The following RBM46 variants were observed in gnomAD, a reference collection of about 807,000 sequenced individuals.
RBM46 encodes the protein RNA binding motif protein 46.
In RBM46, 12 loss-of-function variants were observed where a neutral mutation model predicts 43.3. That is an observed-to-expected ratio of 0.28 (90% CI 0.18 to 0.45). RBM46 has a LOEUF of 0.45. Among genes scored for constraint, RBM46 ranks in the 20% least tolerant of loss-of-function variants. RBM46 has a pLI of 1.00. For missense variants in RBM46, 412 were observed against 639.1 expected (o/e 0.64, Z 3.83); for synonymous variants, 205 against 207.6 (o/e 0.99, Z 0.11).
At chr4:154,788,488 G>T (rs997683373) in intron 1 of RBM46, among the ~76,000 whole-genome samples, 1 of 152,196 alleles carries the variant, frequency 6.6e-6, no homozygotes, top group Non-Finnish European at 1.5e-5. Flanking sequence ...TCAAAGATCA[G>T]ATGGTTGTAG....
chr4:154,825,287 A>G (rs972168325), intron 4 of RBM46, among the ~76,000 whole-genome samples: 10 of 152,114 alleles, frequency 6.6e-5, no homozygotes, highest in African/African-American at 1.9e-4. Flanking sequence ...TTTATTTCCT[A>G]TGATACGAAA....
At chr4:154,813,144 A>G (rs529326550) in intron 4 of RBM46, among the ~76,000 whole-genome samples, 1 of 152,304 alleles carries the variant, frequency 6.6e-6, no homozygotes, top group South Asian at 2.1e-4. Context: ...GATAAAGATT[A>G]CAAGGAAAGA....
At chr4:154,786,274 A>G (rs1322175929) in intron 1 of RBM46, among the ~76,000 whole-genome samples, 1 of 152,012 alleles carries the variant, frequency 6.6e-6, no homozygotes, top group African/African-American at 2.4e-5. Context: ...TTTTTAGTAG[A>G]GATGGTGTTT....
intron 4 of RBM46, chr4:154,827,057 G>C: frequency 8.5e-7 from 1 of 1,176,528 alleles, no homozygotes; most frequent in Non-Finnish European, 1.0e-6. Flanking sequence ...GGAAGGTACA[G>C]GATTTAAAAA....
intron 4 of RBM46, among the ~76,000 whole-genome samples, chr4:154,818,940 TAGTCTTTTATTTTCTTGA>T (rs1735595058): frequency 6.6e-6 from 1 of 152,210 alleles, no homozygotes; most frequent in South Asian, 2.1e-4. Flanking sequence ...CCAAAAATTT[TAGTCTTTTATTTTCTTGA>T]GTGTATTAGG....
intron 1 of RBM46, among the ~76,000 whole-genome samples, chr4:154,784,148 A>G (rs898744671): frequency 6.6e-6 from 1 of 152,216 alleles, no homozygotes; most frequent in African/African-American, 2.4e-5. Context: ...GCACGCTTTG[A>G]TATTCTTAAT....
chr4:154,808,361 T>C (rs1481168337), intron 4 of RBM46, among the ~76,000 whole-genome samples: 1 of 152,028 alleles, frequency 6.6e-6, no homozygotes, highest in Admixed American at 6.5e-5. Context: ...AAGGATGTTT[T>C]TATTAGAGTT....
intron 4 of RBM46, among the ~76,000 whole-genome samples, chr4:154,815,825 G>C (rs750811840): frequency 6.6e-6 from 1 of 151,878 alleles, no homozygotes; most frequent in Non-Finnish European, 1.5e-5. Context: ...TTTGCATCCT[G>C]CTTAGAAAAC....
intron 4 of RBM46, among the ~76,000 whole-genome samples, chr4:154,816,326 G>A (rs1020640782): frequency 1.3e-5 from 2 of 151,852 alleles, no homozygotes; most frequent in Admixed American, 6.6e-5. Context: ...GATCAGTTTG[G>A]GAACAATAAC....
At chr4:154,784,536 G>GT (rs1445293332) in intron 1 of RBM46, among the ~76,000 whole-genome samples, 2 of 152,092 alleles carry the variant, frequency 1.3e-5, no homozygotes, top group Admixed American at 6.6e-5. Flanking sequence ...CCTTAGAGAG[G>GT]TTTTTTCCTT....
At chr4:154,826,803 A>C in intron 4 of RBM46, 1 of 1,513,440 alleles carries the variant, frequency 6.6e-7, no homozygotes. Context: ...ACTCTCCTGC[A>C]GTTGATCTCA....
Position 154,798,139 on chromosome 4 carries a change from A to G in RBM46, c.480A>G (p.Glu160=). Residue 160 remains glutamate, a synonymous_variant, in exon 3 of 5, where the codon GAA becomes GAG. Coordinates refer to ENST00000281722, the MANE Select transcript of RBM46 (RefSeq NM_144979.5). ...KEKKKEEILD[E]MKKVTEGVVD... ...AGAAGAAAGAAGAAATTTTAGATGA[A>G]ATGAAGAAAGTTACAGAAGGAGTTG... The G allele has an allele frequency of 6.2e-7, 1 of 1,613,786 alleles. No individual in the cohort carries two copies. Among genetic ancestry groups the G allele is most frequent in the Non-Finnish European group, 8.5e-7 (1 of 1,179,792 alleles).
intron 4 of RBM46, among the ~76,000 whole-genome samples, chr4:154,819,468 T>G (rs917248737): frequency 6.6e-6 from 1 of 152,190 alleles, no homozygotes; most frequent in African/African-American, 2.4e-5. Context: ...ACGTTTGGGT[T>G]TTCTTCTTGT....
intron 4 of RBM46, among the ~76,000 whole-genome samples, chr4:154,810,296 T>C (rs1304944357): frequency 3.9e-5 from 6 of 152,114 alleles, no homozygotes; most frequent in Admixed American, 3.3e-4. Flanking sequence ...TTACATAGTA[T>C]CAAGGCTAAA....
intron 1 of RBM46, among the ~76,000 whole-genome samples, chr4:154,782,481 T>G (rs1296287620): frequency 6.6e-6 from 1 of 152,138 alleles, no homozygotes. Flanking sequence ...AGTTTTTTTG[T>G]TTTGTTTTTT....
intron 3 of RBM46, 49 bp from the exon 4 acceptor site, chr4:154,798,733 T>C: frequency 7.6e-7 from 1 of 1,320,436 alleles, no homozygotes; most frequent in South Asian, 1.9e-5. Flanking sequence ...CATCTTTACC[T>C]TTTATTCTTT....
chr4:154,786,874 C>T (rs1256956592), intron 1 of RBM46, among the ~76,000 whole-genome samples: 1 of 152,126 alleles, frequency 6.6e-6, no homozygotes, highest in Non-Finnish European at 1.5e-5. Flanking sequence ...TTGCAGTGAG[C>T]CAAGATTGCG....
intron 1 of RBM46, among the ~76,000 whole-genome samples, chr4:154,791,249 A>T (rs1308187130): frequency 6.6e-6 from 1 of 152,168 alleles, no homozygotes; most frequent in African/African-American, 2.4e-5. Context: ...TTTAAGAGGG[A>T]TGCATAGTGA....
At position 154,824,724 on chromosome 4, in the gene RBM46, AT is replaced by A. The variant is rs574702235; in HGVS notation, c.1403-3138del. ...TAGAGGCCGCCTCTTTTTGTAACTAATTTTTTATTGGTAAAAATTAATTCAA... is the reference window on the plus strand; with the variant it reads ...TAGAGGCCGCCTCTTTTTGTAACTAATTTTTATTGGTAAAAATTAATTCAA... On this transcript the variant is annotated intron_variant, in intron 4 of 4. Coordinates refer to ENST00000281722, the MANE Select transcript of RBM46 (RefSeq NM_144979.5). Among the ~76,000 whole-genome samples, 7 of 152,214 alleles carry A rather than the reference AT, an allele frequency of 4.6e-5. No homozygotes were observed. The East Asian group carries it at 1.4e-3, about 29-fold the overall frequency.
Sources: allele counts gnomAD v4.1 joint callset (sites outside exome capture counted in the v4.1 genomes callset), GRCh38; gene constraint gnomAD v4.1.1; transcripts MANE v1.5; gene names NCBI Gene and HGNC (gene_info 2026-07-23, HGNC 2026-07-21).